CFAP47: variants seen among roughly 807,000 people sequenced by gnomAD.
CFAP47 encodes cilia- and flagella-associated protein 47.
A neutral mutation model predicts 148.1 loss-of-function variants in CFAP47; 29 were observed. The observed-to-expected ratio is 0.20, with a 90% CI of 0.15 to 0.27. The LOEUF (loss-of-function observed/expected upper bound fraction) is 0.27, where lower values mean the gene tolerates loss of function less well. CFAP47 is among the 10% of genes least tolerant of loss of function. CFAP47 has a pLI of 1.00. For synonymous variants in CFAP47, 664 were observed against 577.3 expected, an observed-to-expected ratio of 1.15 and a Z score of -2.15; for missense variants, 1,872 against 1,697.5, an observed-to-expected ratio of 1.10 and a Z score of -1.81.
chrX:35,964,285 C>A (rs147179571), intron 8 of CFAP47, among the ~76,000 whole-genome samples: 217 of 111,582 alleles, frequency 1.9e-3, no homozygotes, highest in African/African-American at 6.9e-3. Flanking sequence ...ACACACCTCT[C>A]CACTGCCTTT....
intron 33 of CFAP47, among the ~76,000 whole-genome samples, chrX:36,131,479 A>T (rs977554921): frequency 9.0e-6 from 1 of 111,394 alleles, no homozygotes; most frequent in Non-Finnish European, 1.9e-5. Context: ...GTCTCTTGAG[A>T]AATAGATTAG....
At chrX:36,265,625 A>G (rs967038015) in intron 49 of CFAP47, among the ~76,000 whole-genome samples, 1 of 111,904 alleles carries the variant, frequency 8.9e-6, no homozygotes, top group African/African-American at 3.3e-5. Context: ...GTGATGATAA[A>G]TTTTATTGAA....
chrX:35,960,380 GAAAA>G (rs1188987905), intron 8 of CFAP47, among the ~76,000 whole-genome samples: 151 of 15,453 alleles, frequency 9.8e-3, no homozygotes, highest in African/African-American at 0.026. Flanking sequence ...GCTAATTTCT[GAAAA>G]AAAAAAAAAA....
chrX:35,946,665 C>A (rs73468903), intron 3 of CFAP47, among the ~76,000 whole-genome samples: 1,218 of 111,736 alleles, frequency 0.011, 16 homozygotes, highest in African/African-American at 0.037. Flanking sequence ...TTTTATTGTG[C>A]TAACATTTTG....
chrX:36,096,476 T>A (rs1938279481), intron 30 of CFAP47, among the ~76,000 whole-genome samples: 1 of 111,547 alleles, frequency 9.0e-6, no homozygotes, highest in Non-Finnish European at 1.9e-5. Flanking sequence ...TCTATTGGCC[T>A]ATCTTGCTCT....
At chrX:36,020,985 T>C (rs1484127903) in intron 22 of CFAP47, among the ~76,000 whole-genome samples, 1 of 111,472 alleles carries the variant, frequency 9.0e-6, no homozygotes, top group Non-Finnish European at 1.9e-5. Flanking sequence ...GTGTATCTGT[T>C]GTATTTTTTT....
chrX:36,280,808 C>G (rs1433811789), intron 50 of CFAP47, among the ~76,000 whole-genome samples, 178 bp downstream of exon 50: 1 of 112,056 alleles, frequency 8.9e-6, no homozygotes, highest in Non-Finnish European at 1.9e-5. Flanking sequence ...TGGAGTTCCA[C>G]TGCTATTAAT....
At chrX:36,233,293 T>G (rs1323830701) in intron 46 of CFAP47, among the ~76,000 whole-genome samples, 3 of 111,731 alleles carry the variant, frequency 2.7e-5, no homozygotes, top group Admixed American at 9.5e-5. Context: ...ATGAATCTGG[T>G]TGCTCCTGTA....
chrX:36,183,730 G>T (rs928930352), intron 40 of CFAP47, among the ~76,000 whole-genome samples: 4 of 111,743 alleles, frequency 3.6e-5, no homozygotes, highest in Non-Finnish European at 7.5e-5. Flanking sequence ...ATTTTATGTT[G>T]TGGGGACATG....
At chrX:36,079,657 T>G (rs1937935917) in intron 29 of CFAP47, among the ~76,000 whole-genome samples, 1 of 111,839 alleles carries the variant, frequency 8.9e-6, no homozygotes, top group Admixed American at 9.6e-5. Context: ...TTGTTATTAC[T>G]GACTTTCTGA....
intron 48 of CFAP47, among the ~76,000 whole-genome samples, chrX:36,250,033 A>G (rs1369132397): frequency 9.0e-6 from 1 of 111,503 alleles, no homozygotes; most frequent in Non-Finnish European, 1.9e-5. Context: ...TAAAAGTAGA[A>G]CTATCATATG....
intron 8 of CFAP47, among the ~76,000 whole-genome samples, chrX:35,956,778 T>C (rs1187190632): frequency 2.7e-5 from 3 of 111,877 alleles, no homozygotes; most frequent in Non-Finnish European, 5.6e-5. Flanking sequence ...GGTAACTCTT[T>C]CCCATATCCT....
intron 51 of CFAP47, among the ~76,000 whole-genome samples, chrX:36,296,244 G>T (rs943169128): frequency 5.4e-4 from 61 of 112,168 alleles, no homozygotes; most frequent in Middle Eastern, 4.6e-3. Flanking sequence ...TGACACTTTT[G>T]TACCACGAGA....
chrX:35,949,032 A>G (rs1936126365), intron 4 of CFAP47, among the ~76,000 whole-genome samples: 3 of 110,211 alleles, frequency 2.7e-5, no homozygotes. Context: ...GTAGTCCAAC[A>G]TTTTTGTGCG....
intron 22 of CFAP47, among the ~76,000 whole-genome samples, chrX:36,029,022 G>C (rs1937252348): frequency 9.1e-6 from 1 of 110,205 alleles, no homozygotes; most frequent in Non-Finnish European, 1.9e-5. Flanking sequence ...GGCTCTTTTG[G>C]GTGGTAGATT....
Position 36,361,486 on chromosome X carries a change from C to A in CFAP47, c.9008C>A (p.Pro3003Gln). The A allele has an allele frequency of 9.8e-7, 1 of 1,021,796 alleles. No individual in the cohort carries two copies. Among genetic ancestry groups the A allele is most frequent in the Non-Finnish European group, 1.3e-6 (1 of 764,158 alleles). The allele number at this position is 1,021,796 out of a possible 1,213,427, so 84.2% of individuals were successfully genotyped here. ...ITFIFNLVFT[P>Q]KKPLRSHITL... The stretch of plus-strand genomic sequence containing the variant: ...TTTATCTTCAATCTGGTATTCACAC[C>A]AAAGAAACCATTAAGGTAAATCTAC... Residue 3003 changes from proline (P) to glutamine (Q), a missense_variant, in exon 61 of 64, where the codon CCA (proline) becomes CAA (glutamine). By Grantham distance (76) the Pro-to-Gln change is moderately conservative (BLOSUM62 -1). Coordinates refer to ENST00000378653, the MANE Select transcript of CFAP47 (RefSeq NM_001304548.2).
At chrX:36,257,462 G>C (rs1218533986) in intron 49 of CFAP47, among the ~76,000 whole-genome samples, 1 of 101,280 alleles carries the variant, frequency 9.9e-6, no homozygotes, top group African/African-American at 3.7e-5. Context: ...GTCTCACCCT[G>C]TTGCCCAGGT....
chrX:36,173,786 G>A (rs1373677507), intron 39 of CFAP47, among the ~76,000 whole-genome samples: 3 of 111,758 alleles, frequency 2.7e-5, no homozygotes, highest in Non-Finnish European at 5.6e-5. Flanking sequence ...GTTGATTTAG[G>A]GTGGAGAGTT....
At chrX:35,962,128 A>T (rs987397497) in intron 8 of CFAP47, among the ~76,000 whole-genome samples, 4 of 111,299 alleles carry the variant, frequency 3.6e-5, no homozygotes, top group African/African-American at 1.3e-4. Context: ...TGAATTTTTC[A>T]CATTTTCTTC....
Sources: allele counts gnomAD v4.1 joint callset (sites outside exome capture counted in the v4.1 genomes callset), GRCh38; gene constraint gnomAD v4.1.1; transcripts MANE v1.5; gene names NCBI Gene and HGNC (gene_info 2026-07-23, HGNC 2026-07-21).